CD302: variants seen among roughly 807,000 people sequenced by gnomAD.
The protein encoded by CD302 is CD302 molecule.
In CD302, 23 loss-of-function variants were observed where a neutral mutation model predicts 26.5. The observed-to-expected ratio is 0.87, with a 90% CI of 0.62 to 1.23. The LOEUF (loss-of-function observed/expected upper bound fraction) is 1.23, where lower values mean the gene tolerates loss of function less well. CD302 is among the 50% of genes most tolerant of loss of function. The probability of loss-of-function intolerance (pLI) is 0.00; values close to 1 mark genes in which losing one functional copy is unlikely to be tolerated. For synonymous variants in CD302, 90 were observed against 99.4 expected (o/e 0.91, Z 0.56); for missense variants, 290 against 275.5 (o/e 1.05, Z -0.37).
At chr2:159,788,105 CAAA>C (rs11314559) in intron 1 of CD302, among the ~76,000 whole-genome samples, 1 of 138,266 alleles carries the variant, frequency 7.2e-6, no homozygotes. Context: ...GACTCCGTCT[CAAA>C]AAAAAAAAAA....
chr2:159,780,051 T>C lies in CD302; in HGVS notation c.423A>G (p.Gly141=). Residue 141 remains glycine, a synonymous_variant, in exon 4 of 6, where the codon GGA becomes GGG. Transcript: ENST00000259053. The part of the protein sequence containing the change: ...LHIKTGEWKK[G]NCEVSSVEGT... ...CTTCCACAGAAGAAACTTCACAATT[T>C]CCTTTTTTCCATTCACCTGTCTTGA... is the stretch of plus-strand genomic sequence containing the variant. 5 of 1,614,118 alleles carry C rather than the reference T, an allele frequency of 3.1e-6. No homozygotes were observed. Among genetic ancestry groups the C allele is most frequent in the Non-Finnish European group, 4.2e-6 (5 of 1,179,974 alleles).
At chr2:159,778,417 G>T (rs958028201) in intron 4 of CD302, among the ~76,000 whole-genome samples, 5 of 152,154 alleles carry the variant, frequency 3.3e-5, no homozygotes, top group African/African-American at 4.8e-5. Flanking sequence ...AACCTGAAAA[G>T]AACCAATTTT....
intron 3 of CD302, among the ~76,000 whole-genome samples, chr2:159,780,452 T>C (rs1320699389): frequency 2.0e-5 from 3 of 152,224 alleles, no homozygotes; most frequent in Admixed American, 2.0e-4. Flanking sequence ...TAGTTAAATA[T>C]TAATAGTAAC....
At chr2:159,773,592 T>C (rs1202614430) in intron 5 of CD302, among the ~76,000 whole-genome samples, 11 of 152,204 alleles carry the variant, frequency 7.2e-5, no homozygotes, top group Non-Finnish European at 1.6e-4. Context: ...ACACAGTAAG[T>C]ATATATGCTG....
chr2:159,781,062 C>A, intron 2 of CD302, 64 bp from the exon 3 acceptor site: 1 of 1,305,008 alleles, frequency 7.7e-7, no homozygotes, highest in Non-Finnish European at 1.1e-6. Context: ...TCACTAGGTA[C>A]ATAAAAATAA....
At chr2:159,775,590 G>A (rs1708289995) in intron 5 of CD302, among the ~76,000 whole-genome samples, 1 of 152,144 alleles carries the variant, frequency 6.6e-6, no homozygotes, top group Non-Finnish European at 1.5e-5. Flanking sequence ...CTGTCTCCAT[G>A]TCTAAATAAC....
At position 159,769,181 on chromosome 2, in the gene CD302, T is replaced by C. The variant is rs1404207373; in HGVS notation, c.*2670A>G. ...TAAGAAAATGTAGTTTAAAATGTTA[T>C]TCTGAATATCTGCCAAAGAATTATA... On this transcript the variant is annotated 3_prime_UTR_variant, in exon 6 of 6. Transcript: ENST00000259053. 6.6e-6 allele frequency: 1 copy of C among 152,220 alleles called. No individual in the cohort carries two copies. Among genetic ancestry groups the C allele is most frequent in the Non-Finnish European group, 1.5e-5 (1 of 68,036 alleles). The allele number at this position is 152,220 out of a possible 1,614,324, so 9.4% of individuals were successfully genotyped here. A position where few individuals can be genotyped will look rare whatever the true frequency, so the allele number is the denominator to read the frequency against.
chr2:159,790,330 T>C (rs577147147), intron 1 of CD302, among the ~76,000 whole-genome samples: 1 of 151,934 alleles, frequency 6.6e-6, no homozygotes, highest in East Asian at 1.9e-4. Context: ...ATATTTAAGC[T>C]ACAGCTCACT....
intron 1 of CD302, among the ~76,000 whole-genome samples, chr2:159,790,232 C>A (rs1708773047): frequency 6.6e-6 from 1 of 152,010 alleles, no homozygotes; most frequent in Non-Finnish European, 1.5e-5. Context: ...AACAGATATT[C>A]CGAAGGTAGG....
intron 4 of CD302, among the ~76,000 whole-genome samples, chr2:159,779,267 G>T (rs1226674588): frequency 6.8e-6 from 1 of 146,040 alleles, no homozygotes; most frequent in Non-Finnish European, 1.5e-5. Flanking sequence ...CCTTCTGACG[G>T]GTCAGAAGAA....
At chr2:159,772,115 T>C (rs984904335) in intron 5 of CD302, 62 bp from the exon 6 acceptor site, 8 of 1,544,434 alleles carry the variant, frequency 5.2e-6, no homozygotes, top group Non-Finnish European at 6.2e-6. Context: ...CAAGTATATT[T>C]TGATGAGCAC....
intron 1 of CD302, among the ~76,000 whole-genome samples, chr2:159,790,853 A>G (rs955248830): frequency 3.3e-5 from 5 of 152,232 alleles, no homozygotes; most frequent in African/African-American, 7.2e-5. Context: ...ACAATATATA[A>G]AAATGAATTA....
In CD302 at chr2:159,770,929, A is replaced by T. The variant is rs1474164084; in HGVS notation, c.*922T>A. 1 of 152,100 alleles carries T rather than the reference A, an allele frequency of 6.6e-6. No individual in the cohort carries two copies. The highest frequency in any genetic ancestry group is 6.5e-5 in the Admixed American group (1 of 15,276). 9.4% of individuals were successfully genotyped at this position (152,100 alleles called of 1,614,324 possible). A position where few individuals can be genotyped will look rare whatever the true frequency, so the allele number is the denominator to read the frequency against. Reference sequence around the variant, plus strand: ...TTTTGGTTTATTGATGGTGAGGAAAATTACTCGTTTCAGCTTTTTCATTTT... The same window carrying T: ...TTTTGGTTTATTGATGGTGAGGAAATTTACTCGTTTCAGCTTTTTCATTTT... On this transcript the variant is annotated 3_prime_UTR_variant, in exon 6 of 6. Transcript: ENST00000259053.
Position 159,770,355 on chromosome 2 carries a change from G to C in CD302, c.*1496C>G, listed in dbSNP as rs578046413. Reference sequence around the variant, plus strand: ...CCTGCATTTTCAGTACCATGTAGCCGCACTGTTAATAGTTTTCTATCACTT... The same window carrying C: ...CCTGCATTTTCAGTACCATGTAGCCCCACTGTTAATAGTTTTCTATCACTT... On this transcript the variant is annotated 3_prime_UTR_variant, in exon 6 of 6. Transcript: ENST00000259053. 6.8e-6 allele frequency: 1 copy of C among 147,676 alleles called. No individual in the cohort carries two copies. Among genetic ancestry groups the C allele is most frequent in the Admixed American group, 6.6e-5 (1 of 15,188 alleles). The allele number at this position is 147,676 out of a possible 1,614,324, so 9.1% of individuals were successfully genotyped here.
intron 1 of CD302, among the ~76,000 whole-genome samples, chr2:159,797,076 A>G (rs1682454010): frequency 6.6e-6 from 1 of 152,176 alleles, no homozygotes; most frequent in Non-Finnish European, 1.5e-5. Context: ...GCAGGTCCAC[A>G]GAAGTTTTCA....
Position 159,780,062 on chromosome 2 carries a change from A to T in CD302, c.412T>A (p.Trp138Arg), listed in dbSNP as rs973481165. ...GAAACTTCACAATTTCCTTTTTTCCATTCACCTGTCTTGATGTGCAGAAAA... is the reference window on the plus strand; with the variant it reads ...GAAACTTCACAATTTCCTTTTTTCCTTTCACCTGTCTTGATGTGCAGAAAA... ...CAFLHIKTGE[W>R]KKGNCEVSSV... Residue 138 changes from tryptophan (W) to arginine (R), a missense_variant, in exon 4 of 6, where the codon TGG (tryptophan) becomes AGG (arginine). Transcript: ENST00000259053. 1 of 1,614,050 alleles carries T rather than the reference A, an allele frequency of 6.2e-7. No homozygotes were observed. The highest frequency in any genetic ancestry group is 1.7e-5 in the Admixed American group (1 of 60,000).
At chr2:159,778,929 T>C (rs920374518) in intron 4 of CD302, among the ~76,000 whole-genome samples, 2 of 152,124 alleles carry the variant, frequency 1.3e-5, no homozygotes, top group Non-Finnish European at 2.9e-5. Context: ...GGATAACTTC[T>C]GTTCATTAAA....
chr2:159,774,095 C>T (rs927582902), intron 5 of CD302, among the ~76,000 whole-genome samples: 9 of 142,864 alleles, frequency 6.3e-5, no homozygotes, highest in African/African-American at 2.2e-4. Flanking sequence ...GATTGTTAGC[C>T]GTCCAGCCTT....
At chr2:159,792,566 A>T (rs942710363) in intron 1 of CD302, among the ~76,000 whole-genome samples, 1 of 152,008 alleles carries the variant, frequency 6.6e-6, no homozygotes, top group African/African-American at 2.4e-5. Context: ...AATGACTATG[A>T]TGATGATAAT....
Sources: allele counts gnomAD v4.1 joint callset (sites outside exome capture counted in the v4.1 genomes callset), GRCh38; gene constraint gnomAD v4.1.1; transcripts MANE v1.5; gene names NCBI Gene and HGNC (gene_info 2026-07-23, HGNC 2026-07-21).